DACH2: variants seen among roughly 807,000 people sequenced by gnomAD.
The protein encoded by DACH2 is dachshund family transcription factor 2.
A neutral mutation model predicts 35.8 loss-of-function variants in DACH2; 17 were observed. That is an observed-to-expected ratio of 0.48 (90% confidence interval 0.33 to 0.71). DACH2 has a LOEUF of 0.71. Among genes scored for constraint, DACH2 ranks in the 30% least tolerant of loss-of-function variants. The pLI is 0.02. For synonymous variants in DACH2, 195 were observed against 177.3 expected (o/e 1.10, Z -0.79); for missense variants, 469 against 472.7 (o/e 0.99, Z 0.07).
chrX:86,706,434 A>G (rs1027233144), intron 5 of DACH2, among the ~76,000 whole-genome samples: 13 of 111,127 alleles, frequency 1.2e-4, no homozygotes, highest in African/African-American at 3.9e-4. Flanking sequence ...TAAATGGAAT[A>G]AGACTAATTG....
intron 1 of DACH2, chrX:86,160,977 GT>G (rs1281299214): frequency 1.1e-6 from 1 of 870,242 alleles, no homozygotes; most frequent in African/African-American, 2.0e-5. Flanking sequence ...AAGCAGCGTG[GT>G]TCCACTGGCA....
intron 1 of DACH2, among the ~76,000 whole-genome samples, chrX:86,314,258 T>C (rs748977205): frequency 9.0e-6 from 1 of 111,384 alleles, no homozygotes; most frequent in African/African-American, 3.3e-5. Flanking sequence ...AGCTCACACA[T>C]TTAATTACAA....
At chrX:86,732,641 G>T (rs939216453) in intron 6 of DACH2, among the ~76,000 whole-genome samples, 2 of 112,013 alleles carry the variant, frequency 1.8e-5, no homozygotes, top group Admixed American at 9.5e-5. Flanking sequence ...GATGCTAATT[G>T]TAACTACTTC....
At chrX:86,692,118 A>T (rs1315666356) in intron 4 of DACH2, among the ~76,000 whole-genome samples, 1 of 111,371 alleles carries the variant, frequency 9.0e-6, no homozygotes, top group East Asian at 2.8e-4. Flanking sequence ...AATGTTCCAC[A>T]CTCCTCAGCC....
chrX:86,538,519 A>G (rs975837127), intron 3 of DACH2, among the ~76,000 whole-genome samples: 1 of 111,680 alleles, frequency 9.0e-6, no homozygotes, highest in Non-Finnish European at 1.9e-5. Context: ...AGACTTGGTA[A>G]TTTATGATGA....
At chrX:86,405,560 A>G (rs2036514333) in intron 2 of DACH2, among the ~76,000 whole-genome samples, 1 of 111,261 alleles carries the variant, frequency 9.0e-6, no homozygotes, top group Admixed American at 9.6e-5. Flanking sequence ...AGGACGTCCA[A>G]ACTTTCCCAC....
At chrX:86,751,501 G>A (rs1190000258) in intron 7 of DACH2, among the ~76,000 whole-genome samples, 4 of 110,972 alleles carry the variant, frequency 3.6e-5, no homozygotes, top group African/African-American at 1.3e-4. Context: ...AATAAACTAG[G>A]TATTGAGGGA....
At chrX:86,286,773 T>A (rs1357466665) in intron 1 of DACH2, among the ~76,000 whole-genome samples, 1 of 112,081 alleles carries the variant, frequency 8.9e-6, no homozygotes, top group Non-Finnish European at 1.9e-5. Context: ...ATGCCTTAGC[T>A]TCATTCTCCA....
intron 3 of DACH2, among the ~76,000 whole-genome samples, chrX:86,635,000 CT>C (rs1055383300): frequency 1.8e-5 from 2 of 111,339 alleles, no homozygotes; most frequent in South Asian, 3.7e-4. Context: ...GGAGGGACTC[CT>C]CCCTAACTTA....
chrX:86,550,328 GA>G (rs1569437154), intron 3 of DACH2, among the ~76,000 whole-genome samples: 2 of 110,585 alleles, frequency 1.8e-5, no homozygotes, highest in African/African-American at 6.6e-5. Context: ...TTTATTTATG[GA>G]AAAAATTTAT....
At position 86,732,002 on chromosome X, in the gene DACH2, A is replaced by C. The variant is rs2041537658; in HGVS notation, c.1105-7745A>C. ...ACTTAAATAAAAATATAAAATTCAA[A>C]CTTCAGTTAATGAATTAGTCACATT... On this transcript the variant is annotated intron_variant, in intron 6 of 11. Transcript: ENST00000373125. Among the ~76,000 whole-genome samples the C allele has an allele frequency of 3.6e-5, 4 of 112,060 alleles. No individual in the cohort carries two copies. In the South Asian group the frequency reaches 1.4e-3, roughly 40 times the overall value.
Position 86,425,642 on chromosome X carries a change from A to AT in DACH2, c.527+48786dup, listed in dbSNP as rs200637812. ...AAAAAACCAACTTTTTGTTTCATGG[A>AT]TTTTTTGTACTGTTTTCTTCATTTC... On this transcript the variant is annotated intron_variant, in intron 2 of 11. Coordinates refer to ENST00000373125, the MANE Select transcript of DACH2 (RefSeq NM_053281.3). 6.8e-3 allele frequency among the ~76,000 whole-genome samples: 749 copies of AT among 110,282 alleles called. 19 individuals are homozygous for AT. The East Asian group carries it at 0.13, about 19-fold the overall frequency.
intron 1 of DACH2, among the ~76,000 whole-genome samples, chrX:86,255,539 C>T (rs1047195887): frequency 5.4e-5 from 6 of 111,166 alleles, no homozygotes; most frequent in Admixed American, 3.8e-4. Flanking sequence ...ACTAACTAGG[C>T]GATATTAGGC....
Position 86,739,834 on chromosome X carries a change from A to G in DACH2, c.1192A>G (p.Ser398Gly), listed in dbSNP as rs2041635145. ...CCAGACCTCTTCCCACACCAGCAGC[A>G]GTGTGTCCAGCTCTCCCTCTCAGAT... ...GSQTSSHTSS[S>G]VSSSPSQMDH... is the part of the protein sequence containing the mutation. The change falls in exon 7 of 12, where the codon AGT becomes GGT. Residue 398 changes from serine (S) to glycine (G), a missense_variant. Coordinates refer to ENST00000373125, the MANE Select transcript of DACH2 (RefSeq NM_053281.3). 8.3e-7 allele frequency: 1 copy of G among 1,205,791 alleles called. No individual in the cohort carries two copies. The highest frequency in any genetic ancestry group is 1.7e-5 in the African/African-American group (1 of 57,539).
At chrX:86,659,460 CA>C (rs1163921839) in intron 4 of DACH2, among the ~76,000 whole-genome samples, 2 of 110,934 alleles carry the variant, frequency 1.8e-5, no homozygotes, top group East Asian at 5.7e-4. Context: ...ATCTCTTCCT[CA>C]CAATTAATAA....
chrX:86,296,984 T>G (rs900854417), intron 1 of DACH2, among the ~76,000 whole-genome samples: 1 of 107,228 alleles, frequency 9.3e-6, no homozygotes, highest in African/African-American at 3.4e-5. Context: ...AAACATACGT[T>G]TTCTGGCTTC....
At chrX:86,644,669 A>G (rs1254023376) in intron 3 of DACH2, among the ~76,000 whole-genome samples, 1 of 111,942 alleles carries the variant, frequency 8.9e-6, no homozygotes, top group Non-Finnish European at 1.9e-5. Flanking sequence ...AAACTATACT[A>G]CAAGGCTACA....
intron 2 of DACH2, among the ~76,000 whole-genome samples, chrX:86,395,435 G>A (rs952103531): frequency 9.1e-6 from 1 of 109,923 alleles, no homozygotes. Flanking sequence ...TGTGCACAAC[G>A]TGCAGGTTTG....
intron 3 of DACH2, among the ~76,000 whole-genome samples, chrX:86,590,640 T>C (rs1202065092): frequency 2.7e-5 from 3 of 111,593 alleles, no homozygotes; most frequent in Non-Finnish European, 3.8e-5. Context: ...ATGAAACTAA[T>C]AATTTGCTTT....
Sources: gnomAD v4.1 joint callset for allele counts (sites outside exome capture counted in the v4.1 genomes callset) on GRCh38, gnomAD v4.1.1 for gene constraint, MANE v1.5 for transcripts, NCBI Gene and HGNC (gene_info 2026-07-23, HGNC 2026-07-21) for gene names.